DYNC1I1: variants seen among roughly 807,000 people sequenced by gnomAD.
DYNC1I1 encodes dynein cytoplasmic 1 intermediate chain 1.
DYNC1I1 carries 43 observed loss-of-function variants against 86.6 expected under a neutral mutation model. The observed-to-expected ratio is 0.50, with a 90% CI of 0.39 to 0.64. DYNC1I1 has a LOEUF of 0.64. DYNC1I1 is among the 30% of genes least tolerant of loss of function. DYNC1I1 has a pLI of 0.00. For missense variants in DYNC1I1, 604 were observed against 788.8 expected (o/e 0.77, Z 2.81); for synonymous variants, 262 against 283.7 (o/e 0.92, Z 0.77).
chr7:95,871,582 C>A (rs970201034), intron 6 of DYNC1I1, among the ~76,000 whole-genome samples: 1 of 152,040 alleles, frequency 6.6e-6, no homozygotes, highest in Non-Finnish European at 1.5e-5. Flanking sequence ...TAAAGTTATA[C>A]AACTGAAATA....
intron 14 of DYNC1I1, among the ~76,000 whole-genome samples, chr7:96,061,706 T>TCACACACA (rs1427030071): frequency 1.1e-4 from 14 of 130,802 alleles, no homozygotes; most frequent in African/African-American, 4.6e-4. Context: ...TCTCTCTCTC[T>TCACACACA]CTCTCTCACA....
At chr7:95,962,869 AC>A (rs1792908923) in intron 6 of DYNC1I1, among the ~76,000 whole-genome samples, 1 of 152,192 alleles carries the variant, frequency 6.6e-6, no homozygotes, top group South Asian at 2.1e-4. Flanking sequence ...ACTACTAATT[AC>A]CCAGGAATCC....
intron 9 of DYNC1I1, among the ~76,000 whole-genome samples, chr7:95,994,161 A>G (rs994971933): frequency 6.6e-5 from 10 of 152,182 alleles, no homozygotes; most frequent in African/African-American, 2.4e-4. Context: ...GATGATATAT[A>G]AAGCCTTTCT....
At chr7:96,034,171 A>G (rs1337456444) in intron 12 of DYNC1I1, among the ~76,000 whole-genome samples, 3 of 152,090 alleles carry the variant, frequency 2.0e-5, no homozygotes, top group Non-Finnish European at 4.4e-5. Context: ...AAAAGGAGAG[A>G]GTGCTAATAA....
chr7:95,985,983 T>A (rs1793578966), intron 8 of DYNC1I1, among the ~76,000 whole-genome samples: 1 of 151,690 alleles, frequency 6.6e-6, no homozygotes, highest in South Asian at 2.1e-4. Context: ...TATTTCCCTC[T>A]GTGTGCCTGG....
intron 16 of DYNC1I1, among the ~76,000 whole-genome samples, chr7:96,104,912 A>T (rs747085348): frequency 1.3e-5 from 2 of 152,132 alleles, no homozygotes. Flanking sequence ...TTAAAAAAAC[A>T]TACTGCTTGG....
intron 6 of DYNC1I1, among the ~76,000 whole-genome samples, chr7:95,910,523 G>C (rs1791305346): frequency 6.6e-6 from 1 of 152,200 alleles, no homozygotes; most frequent in African/African-American, 2.4e-5. Flanking sequence ...AAGGTTTAGA[G>C]AGGCTGAAGG....
At chr7:95,936,943 T>TA (rs997513691) in intron 6 of DYNC1I1, among the ~76,000 whole-genome samples, 3 of 69,050 alleles carry the variant, frequency 4.3e-5, no homozygotes, top group African/African-American at 1.4e-4. Flanking sequence ...AAGGAATGGA[T>TA]AAAGAATATG....
At chr7:96,092,857 T>TA (rs1482257657) in intron 16 of DYNC1I1, among the ~76,000 whole-genome samples, 2 of 152,196 alleles carry the variant, frequency 1.3e-5, no homozygotes, top group Non-Finnish European at 2.9e-5. Flanking sequence ...AAACAATCTT[T>TA]ACAATCTTTG....
intron 10 of DYNC1I1, among the ~76,000 whole-genome samples, chr7:96,015,423 G>T (rs1336051324): frequency 6.6e-6 from 1 of 151,998 alleles, no homozygotes; most frequent in African/African-American, 2.4e-5. Flanking sequence ...CTATGTAAAT[G>T]CCCCTTAATG....
chr7:95,838,154 G>T (rs987090015), intron 5 of DYNC1I1, among the ~76,000 whole-genome samples: 2 of 152,154 alleles, frequency 1.3e-5, no homozygotes, highest in African/African-American at 2.4e-5. Flanking sequence ...TTTAGGAGTT[G>T]TATAGTTGCA....
chr7:95,896,022 G>A (rs996853212), intron 6 of DYNC1I1, among the ~76,000 whole-genome samples: 1 of 152,170 alleles, frequency 6.6e-6, no homozygotes, highest in Non-Finnish European at 1.5e-5. Flanking sequence ...GCCGGCAGAA[G>A]GCATTTAGCC....
At chr7:96,041,916 G>A (rs1384760442) in intron 14 of DYNC1I1, among the ~76,000 whole-genome samples, 2 of 151,938 alleles carry the variant, frequency 1.3e-5, no homozygotes, top group South Asian at 4.1e-4. Flanking sequence ...AAAAGAAAAT[G>A]AAATAAATTT....
intron 6 of DYNC1I1, among the ~76,000 whole-genome samples, chr7:95,890,861 G>A (rs965715408): frequency 5.3e-5 from 8 of 152,152 alleles, no homozygotes; most frequent in African/African-American, 7.2e-5. Context: ...CTTCCTGAAC[G>A]TAGTTTATTA....
intron 6 of DYNC1I1, among the ~76,000 whole-genome samples, chr7:95,876,589 C>T (rs1321920680): frequency 6.6e-6 from 1 of 152,128 alleles, no homozygotes; most frequent in East Asian, 1.9e-4. Flanking sequence ...TTCACAAAGA[C>T]AAACAGAAAA....
intron 6 of DYNC1I1, among the ~76,000 whole-genome samples, chr7:95,904,139 AG>A (rs1791111744): frequency 6.6e-6 from 1 of 152,142 alleles, no homozygotes; most frequent in South Asian, 2.1e-4. Flanking sequence ...TATATGGAGA[AG>A]TTTAGACTGC....
At chr7:95,931,820 C>T (rs903102053) in intron 6 of DYNC1I1, among the ~76,000 whole-genome samples, 3 of 152,108 alleles carry the variant, frequency 2.0e-5, no homozygotes, top group Non-Finnish European at 2.9e-5. Context: ...AGATCATTTT[C>T]GTTTGCATTT....
chr7:96,095,034 G>A (rs932231789), intron 16 of DYNC1I1, among the ~76,000 whole-genome samples: 2 of 152,112 alleles, frequency 1.3e-5, no homozygotes, highest in Non-Finnish European at 2.9e-5. Context: ...TTATGAGGGT[G>A]AATCTATATT....
chr7:95,956,125 A>G (rs907943062), intron 6 of DYNC1I1, among the ~76,000 whole-genome samples: 5 of 152,118 alleles, frequency 3.3e-5, no homozygotes, highest in Non-Finnish European at 7.4e-5. Context: ...CTATAACAGG[A>G]GTATTCCTAG....
Sources: allele counts gnomAD v4.1 joint callset (sites outside exome capture counted in the v4.1 genomes callset), GRCh38; gene constraint gnomAD v4.1.1; transcripts MANE v1.5; gene names NCBI Gene and HGNC (gene_info 2026-07-23, HGNC 2026-07-21).